Variants in SCAPER observed in about 807,000 individuals in gnomAD.
SCAPER encodes the protein S-phase cyclin A associated protein in the ER, also known as S phase cyclin A-associated protein in the endoplasmic reticulum.
Under a neutral mutation model 182.2 loss-of-function variants are expected in SCAPER, and 98 were observed. The observed-to-expected ratio is 0.54, with a 90% CI of 0.46 to 0.64. SCAPER has a LOEUF of 0.64. Among genes scored for constraint, SCAPER ranks in the 30% least tolerant of loss-of-function variants. The pLI is 0.00. For synonymous variants in SCAPER, 605 were observed against 564.6 expected (o/e 1.07, Z -1.01); for missense variants, 1,432 against 1,690.0 (o/e 0.85, Z 2.68).
intron 24 of SCAPER, among the ~76,000 whole-genome samples, chr15:76,489,845 T>C (rs539177416): frequency 3.3e-5 from 5 of 152,288 alleles, no homozygotes; most frequent in African/African-American, 1.2e-4. Flanking sequence ...GCTCTCTGCT[T>C]CTGTGAATTT....
intron 6 of SCAPER, among the ~76,000 whole-genome samples, chr15:76,801,029 G>A (rs1382063432): frequency 6.6e-6 from 1 of 152,066 alleles, no homozygotes; most frequent in Admixed American, 6.6e-5. Flanking sequence ...TTTCAATCTT[G>A]CCAACTGTTG....
intron 24 of SCAPER, among the ~76,000 whole-genome samples, chr15:76,480,823 C>T (rs886832729): frequency 6.6e-6 from 1 of 152,046 alleles, no homozygotes; most frequent in African/African-American, 2.4e-5. Flanking sequence ...CTCCGCCTCC[C>T]GAGTTCATGC....
At chr15:76,846,358 T>C (rs535709577) in intron 4 of SCAPER, among the ~76,000 whole-genome samples, 40 of 150,570 alleles carry the variant, frequency 2.7e-4, no homozygotes, top group Non-Finnish European at 5.5e-4. Flanking sequence ...TCACATCAAG[T>C]TAAAAAAAAA....
At position 76,504,968 on chromosome 15, in the gene SCAPER, C is replaced by T. The variant is rs2041450928; in HGVS notation, c.2845G>A (p.Ala949Thr). The part of the protein sequence containing the change: ...ITRILEKENV[A>T]DQIAFQAAGG... ...GCAGCTTGAAATGCAATCTGATCTGCCACATTCTAGACAGAAATACAAACA... is the reference window on the plus strand; with the variant it reads ...GCAGCTTGAAATGCAATCTGATCTGTCACATTCTAGACAGAAATACAAACA... The change falls in exon 24 of 32, where the codon GCA (alanine) becomes ACA (threonine). Residue 949 changes from alanine (A) to threonine (T), a missense_variant. Ala to Thr is a moderately conservative substitution (Grantham distance 58, BLOSUM62 0). Around this residue, in one of 5 missense-constraint regions of SCAPER, gnomAD observed 718 missense variants for 799.7 expected, o/e 0.90. Transcript: ENST00000563290. 1.2e-6 allele frequency: 2 copies of T among 1,610,934 alleles called. No homozygotes were observed. The highest frequency in any genetic ancestry group is 1.3e-5 in the African/African-American group (1 of 74,914).
At chr15:76,835,959 G>C (rs918366977) in intron 5 of SCAPER, among the ~76,000 whole-genome samples, 48 of 120,784 alleles carry the variant, frequency 4.0e-4, no homozygotes, top group Non-Finnish European at 7.6e-4. Context: ...AAAAAATCCA[G>C]AAATAAATTT....
chr15:76,405,280 ATT>A (rs112695168), intron 26 of SCAPER, among the ~76,000 whole-genome samples: 2 of 146,426 alleles, frequency 1.4e-5, no homozygotes. Flanking sequence ...TGTGCAGTTA[ATT>A]TTTTTTTTTT....
chr15:76,734,678 T>C (rs1467522811), intron 15 of SCAPER, among the ~76,000 whole-genome samples: 11 of 151,928 alleles, frequency 7.2e-5, no homozygotes, highest in African/African-American at 2.7e-4. Context: ...GAGTGCAAGC[T>C]AGCCTGGCCA....
rs149560615 is a variant in SCAPER, at chr15:76,598,526, C to T, written c.2711+23238G>A. On this transcript the variant is annotated intron_variant, in intron 22 of 31. Transcript: ENST00000563290. The stretch of plus-strand genomic sequence containing the variant: ...CGTATGTTTATTGCAGCACTTTTCA[C>T]AATAGCAAAGACTTGGAACCAACCC... Among the ~76,000 whole-genome samples the T allele has an allele frequency of 1.8e-3, 220 of 121,526 alleles. 45 individuals carry two copies. In the East Asian group the frequency reaches 0.046, roughly 26 times the overall value. 79.7% of individuals were successfully genotyped at this position (121,526 alleles called of 152,430 possible).
chr15:76,388,254 G>A (rs180683015), intron 27 of SCAPER, among the ~76,000 whole-genome samples: 93 of 152,236 alleles, frequency 6.1e-4, no homozygotes, highest in Non-Finnish European at 3.4e-4. Context: ...ATGACCCCAC[G>A]GGAGACACGT....
intron 27 of SCAPER, among the ~76,000 whole-genome samples, chr15:76,389,815 CAAAAAA>C (rs34780168): frequency 8.4e-5 from 8 of 95,572 alleles, no homozygotes; most frequent in African/African-American, 3.5e-4. Flanking sequence ...GACTCCGTCT[CAAAAAA>C]AAAAAAAAAA....
intron 8 of SCAPER, among the ~76,000 whole-genome samples, chr15:76,794,775 G>A (rs1409877220): frequency 6.6e-6 from 1 of 151,822 alleles, no homozygotes. Context: ...TAATTCTTAT[G>A]GGATAAAATT....
chr15:76,842,022 A>T (rs2069528717), intron 4 of SCAPER, 91 bp from the exon 5 acceptor site: 1 of 1,105,572 alleles, frequency 9.0e-7, no homozygotes, highest in Non-Finnish European at 1.3e-6. Context: ...CTACAAATCA[A>T]AACTACTCCA....
intron 20 of SCAPER, among the ~76,000 whole-genome samples, chr15:76,667,980 A>T (rs1418487239): frequency 6.6e-6 from 1 of 152,178 alleles, no homozygotes; most frequent in East Asian, 1.9e-4. Flanking sequence ...AACAAAAAAA[A>T]GTCTCCTCAA....
intron 23 of SCAPER, among the ~76,000 whole-genome samples, chr15:76,553,807 G>C (rs542299316): frequency 2.0e-5 from 3 of 151,486 alleles, no homozygotes; most frequent in Non-Finnish European, 4.4e-5. Flanking sequence ...CATCAAAAAA[G>C]ATAAAAACAA....
At chr15:76,753,547 T>G (rs1442559369) in intron 15 of SCAPER, among the ~76,000 whole-genome samples, 1 of 151,956 alleles carries the variant, frequency 6.6e-6, no homozygotes, top group Non-Finnish European at 1.5e-5. Flanking sequence ...TCAAAACTCA[T>G]CAAATGGAAT....
At chr15:76,708,831 C>A (rs1481437204) in intron 17 of SCAPER, among the ~76,000 whole-genome samples, 1 of 152,022 alleles carries the variant, frequency 6.6e-6, no homozygotes, top group African/African-American at 2.4e-5. Flanking sequence ...TTTGGGAGGC[C>A]AAGGCAGGCA....
chr15:76,488,708 C>T (rs1213318224), intron 24 of SCAPER, among the ~76,000 whole-genome samples: 2 of 83,238 alleles, frequency 2.4e-5, no homozygotes, highest in Non-Finnish European at 4.7e-5. Flanking sequence ...GATAACAGTA[C>T]ACTGCCTTTT....
intron 17 of SCAPER, among the ~76,000 whole-genome samples, chr15:76,723,664 T>C (rs1222858529): frequency 1.3e-5 from 2 of 152,270 alleles, no homozygotes; most frequent in African/African-American, 4.8e-5. Flanking sequence ...GTTGAATTGA[T>C]CCCTTTACCA....
chr15:76,627,601 T>C (rs1036493252), intron 21 of SCAPER, among the ~76,000 whole-genome samples: 1 of 152,198 alleles, frequency 6.6e-6, no homozygotes, highest in Non-Finnish European at 1.5e-5. Context: ...GGTCCATTCA[T>C]GTCCCTACAA....
Sources: gnomAD v4.1 joint callset for allele counts (sites outside exome capture counted in the v4.1 genomes callset) on GRCh38, gnomAD v4.1.1 for gene constraint, gnomAD v4.1.1 regional missense constraint, MANE v1.5 for transcripts, NCBI Gene and HGNC (gene_info 2026-07-23, HGNC 2026-07-21) for gene names.